Variants in ECPAS observed in about 807,000 individuals in gnomAD.
The protein encoded by ECPAS is Ecm29 proteasome adaptor and scaffold, also known as proteasome adapter and scaffold protein ECM29.
Under a neutral mutation model 255.1 loss-of-function variants are expected in ECPAS, and 70 were observed. That is an observed-to-expected ratio of 0.27 (90% CI 0.23 to 0.33). The LOEUF (loss-of-function observed/expected upper bound fraction) is 0.33, where lower values mean the gene tolerates loss of function less well. Ranked by LOEUF, ECPAS falls within the 10% of genes least tolerant of loss-of-function variation. The pLI is 1.00. For synonymous variants in ECPAS, 784 were observed against 775.0 expected, an observed-to-expected ratio of 1.01 and a Z score of -0.19; for missense variants, 1,817 against 2,206.4, an observed-to-expected ratio of 0.82 and a Z score of 3.54.
intron 22 of ECPAS, 65 bp from the exon 23 acceptor site, chr9:111,410,278 T>A: frequency 7.2e-7 from 1 of 1,384,858 alleles, no homozygotes; most frequent in Non-Finnish European, 9.8e-7. Context: ...AAGCAACCAG[T>A]GATGTACTCA....
chr9:111,383,610 T>C (rs1044235971), intron 34 of ECPAS, among the ~76,000 whole-genome samples: 2 of 152,046 alleles, frequency 1.3e-5, no homozygotes, highest in Admixed American at 6.5e-5. Context: ...CCAGGAAATA[T>C]GTAAGAAAGC....
intron 3 of ECPAS, among the ~76,000 whole-genome samples, chr9:111,446,856 G>C (rs902011520): frequency 6.6e-6 from 1 of 152,200 alleles, no homozygotes; most frequent in Non-Finnish European, 1.5e-5. Context: ...ATCAGCGAAA[G>C]TGTTTGTCAG....
intron 31 of ECPAS, among the ~76,000 whole-genome samples, chr9:111,387,703 TGAGA>T (rs1426099433): frequency 6.7e-6 from 1 of 149,306 alleles, no homozygotes; most frequent in East Asian, 2.0e-4. Flanking sequence ...GTGCAGTTAC[TGAGA>T]GACAGTGTCT....
intron 2 of ECPAS, among the ~76,000 whole-genome samples, chr9:111,468,628 TGA>T (rs199930694): frequency 0.013 from 1,873 of 139,056 alleles, 16 homozygotes; most frequent in Non-Finnish European, 0.016. Context: ...AGAGAGTGAG[TGA>T]GAGAGAGAGA....
intron 29 of ECPAS, 81 bp downstream of exon 29, chr9:111,391,675 A>G (rs1442078360): frequency 4.6e-6 from 4 of 873,942 alleles, no homozygotes; most frequent in African/African-American, 1.7e-5. Context: ...AATCAACTTC[A>G]TGACTGCTCT....
intron 31 of ECPAS, among the ~76,000 whole-genome samples, chr9:111,388,117 C>T (rs532568295): frequency 2.9e-4 from 44 of 152,022 alleles, no homozygotes; most frequent in Non-Finnish European, 6.2e-4. Flanking sequence ...CAAAAATTTA[C>T]GGCTTTTCCA....
intron 10 of ECPAS, among the ~76,000 whole-genome samples, chr9:111,427,033 G>T (rs1244994645): frequency 2.0e-5 from 3 of 151,810 alleles, no homozygotes; most frequent in African/African-American, 7.3e-5. Context: ...ATTTGAAACA[G>T]ACTTTTTTTT....
chr9:111,463,348 T>C (rs1189849095), intron 2 of ECPAS, among the ~76,000 whole-genome samples: 1 of 152,236 alleles, frequency 6.6e-6, no homozygotes, highest in African/African-American at 2.4e-5. Flanking sequence ...AAGAGAGAAC[T>C]AGAAATATCT....
intron 26 of ECPAS, 57 bp from the exon 27 acceptor site, chr9:111,393,791 G>C: frequency 8.4e-7 from 1 of 1,193,958 alleles, no homozygotes; most frequent in Non-Finnish European, 1.2e-6. Flanking sequence ...GAGAGAATAA[G>C]AGTCTTGCTC....
At chr9:111,408,168 T>C (rs1385983743) in intron 24 of ECPAS, among the ~76,000 whole-genome samples, 2 of 152,204 alleles carry the variant, frequency 1.3e-5, no homozygotes, top group African/African-American at 4.8e-5. Context: ...TTTGCCTACT[T>C]GTAGGTCTTC....
intron 2 of ECPAS, among the ~76,000 whole-genome samples, chr9:111,460,746 C>A (rs115305581): frequency 6.6e-6 from 1 of 152,102 alleles, no homozygotes; most frequent in Non-Finnish European, 1.5e-5. Flanking sequence ...ATGTGTAAGA[C>A]CTCTACACAG....
rs753505873 is a variant in ECPAS, at chr9:111,373,956, C to T, written c.4177+16G>A. On this transcript the variant is annotated intron_variant, in intron 39 of 49. Transcript: ENST00000684092. ...GCTGTGCAAAAATATCACCACACAT[C>T]CCTTGACAAACTCACCTGAGTAAGG... 10 of 1,598,374 alleles carry T rather than the reference C, an allele frequency of 6.3e-6. No individual in the cohort carries two copies. The South Asian group carries it at 1.1e-4, about 18-fold the overall frequency.
chr9:111,481,219 G>A (rs1167714156), intron 1 of ECPAS, among the ~76,000 whole-genome samples: 3 of 152,178 alleles, frequency 2.0e-5, no homozygotes, highest in Non-Finnish European at 2.9e-5. Context: ...AGTGGGGGCC[G>A]GGCGCGGTGG....
At position 111,421,075 on chromosome 9, in the gene ECPAS, C is replaced by T. The variant is rs796281668; in HGVS notation, c.1455+846G>A. Reference sequence around the variant, plus strand: ...TTCTGTTCTAATGAGCTTCCAAATACGCCTACACACCTTTGTCCATAACAT... The same window carrying T: ...TTCTGTTCTAATGAGCTTCCAAATATGCCTACACACCTTTGTCCATAACAT... On this transcript the variant is annotated intron_variant, in intron 15 of 49. Transcript: ENST00000684092. 9.2e-5 allele frequency among the ~76,000 whole-genome samples: 14 copies of T among 152,020 alleles called. 1 individual carries two copies. Among genetic ancestry groups the T allele is most frequent in the African/African-American group, 2.9e-4 (12 of 41,538 alleles).
chr9:111,427,302 A>G (rs1001574417), intron 10 of ECPAS, among the ~76,000 whole-genome samples: 5 of 152,236 alleles, frequency 3.3e-5, no homozygotes, highest in African/African-American at 1.2e-4. Context: ...GGCATAGAGA[A>G]GTGAAGACAT....
Position 111,415,179 on chromosome 9 carries a change from CTAAAA to C in ECPAS, c.1765-533_1765-529del, listed in dbSNP as rs1026350076. On this transcript the variant is annotated intron_variant, in intron 18 of 49. Coordinates refer to ENST00000684092, the MANE Select transcript of ECPAS (RefSeq NM_001364929.1). ...CAAACCTTCACATGTACCCTCGAAC[CTAAAA>C]TAAAAGTTAAAAATTATAATAAAAA... is the stretch of plus-strand genomic sequence containing the variant. Among the ~76,000 whole-genome samples, 6 of 150,994 alleles carry C rather than the reference CTAAAA, an allele frequency of 4.0e-5. 1 individual carries two copies. The East Asian group carries it at 7.8e-4, about 20-fold the overall frequency.
At chr9:111,484,005 T>TGCGCTCCCCGCGC (rs2098311362) in intron 1 of ECPAS, 111 bp downstream of exon 1, 2 of 1,012,326 alleles carry the variant, frequency 2.0e-6, no homozygotes, top group Non-Finnish European at 1.2e-6. Context: ...CCGCCCCGCG[T>TGCGCTCCCCGCGC]GCGCTCCCCG....
chr9:111,403,875 A>C (rs112131219), intron 24 of ECPAS, among the ~76,000 whole-genome samples: 4 of 149,958 alleles, frequency 2.7e-5, no homozygotes, highest in African/African-American at 7.6e-5. Context: ...GCAAGTCTCA[A>C]GCAATTCAAA....
In ECPAS at chr9:111,413,981, G is replaced by C; in HGVS notation, c.1993C>G (p.Pro665Ala). The C allele has an allele frequency of 6.4e-7, 1 of 1,570,242 alleles. No homozygotes were observed. The highest frequency in any genetic ancestry group is 8.6e-7 in the Non-Finnish European group (1 of 1,156,978). Residue 665 changes from proline to alanine, a missense_variant, in exon 20 of 50, where the codon CCG (proline) becomes GCG (alanine). This residue lies in a region of ECPAS where 573 missense variants were observed against 716.2 expected (regional missense o/e 0.80). Coordinates refer to ENST00000684092, the MANE Select transcript of ECPAS (RefSeq NM_001364929.1). ...QQLLAGVGGLPVMYCLLEAVS... is the reference protein window; with the variant it reads ...QQLLAGVGGLAVMYCLLEAVS... ...GCTTCCAATAGACAGTACATAACCG[G>C]CAAACCTAAATAAGAATTCAGAATC... is the stretch of plus-strand genomic sequence containing the variant.
Sources: gnomAD v4.1 joint callset for allele counts (sites outside exome capture counted in the v4.1 genomes callset) on GRCh38, gnomAD v4.1.1 for gene constraint, gnomAD v4.1.1 regional missense constraint, MANE v1.5 for transcripts, NCBI Gene and HGNC (gene_info 2026-07-23, HGNC 2026-07-21) for gene names.